PRKCQ: variants seen among roughly 807,000 people sequenced by gnomAD.
PRKCQ encodes protein kinase C theta type.
Under a neutral mutation model 91.2 loss-of-function variants are expected in PRKCQ, and 41 were observed. The observed-to-expected ratio is 0.45, with a 90% CI of 0.35 to 0.58. PRKCQ has a LOEUF of 0.58. Among genes scored for constraint, PRKCQ ranks in the 20% least tolerant of loss-of-function variants. PRKCQ has a pLI of 0.00. For synonymous variants in PRKCQ, 307 were observed against 316.9 expected (o/e 0.97, Z 0.33); for missense variants, 673 against 896.5 (o/e 0.75, Z 3.18).
At chr10:6,405,543 CCAGCGCCCCGCAA>C in the PRKCQ span, among the ~76,000 whole-genome samples, 3 of 152,260 alleles carry the variant, frequency 2.0e-5, no homozygotes, top group East Asian at 5.8e-4. Context: ...CTGGGGAACT[CCAGCGCCCCGCAA>C]GTCTTTCTGA....
intron 1 of PRKCQ, among the ~76,000 whole-genome samples, chr10:6,560,499 C>A (rs1407909581): frequency 6.6e-6 from 1 of 152,144 alleles, no homozygotes; most frequent in Non-Finnish European, 1.5e-5. Context: ...ACCATCAGGA[C>A]AAAATGAACC....
intron 7 of PRKCQ, among the ~76,000 whole-genome samples, chr10:6,495,467 C>T (rs975949647): frequency 2.0e-5 from 3 of 152,230 alleles, no homozygotes; most frequent in Admixed American, 6.5e-5. Context: ...TGTCACTCTT[C>T]AGCTGTCAGT....
chr10:6,438,677 C>A (rs1009300591), intron 16 of PRKCQ, among the ~76,000 whole-genome samples: 1 of 152,070 alleles, frequency 6.6e-6, no homozygotes, highest in African/African-American at 2.4e-5. Context: ...CTCATTGTAA[C>A]CTCCACCTTG....
At chr10:6,546,222 C>G (rs958191769) in intron 1 of PRKCQ, among the ~76,000 whole-genome samples, 1 of 152,066 alleles carries the variant, frequency 6.6e-6, no homozygotes, top group East Asian at 1.9e-4. Context: ...TACCTGCCTC[C>G]TGTTTTTGTG....
At chr10:6,446,410 G>C (rs1438195558) in intron 15 of PRKCQ, among the ~76,000 whole-genome samples, 2 of 137,386 alleles carry the variant, frequency 1.5e-5, no homozygotes, top group Non-Finnish European at 3.0e-5. Context: ...ATGTTGGCCA[G>C]GCTGGAGTGC....
At chr10:6,441,434 A>G (rs2146898) in intron 16 of PRKCQ, among the ~76,000 whole-genome samples, 61,288 of 151,444 alleles carry the variant, frequency 0.4, 12,892 homozygotes, top group African/African-American at 0.51. Flanking sequence ...GAGCTACTGC[A>G]CCCAGCCTAA....
chr10:6,421,275 A>C, the PRKCQ span, among the ~76,000 whole-genome samples: 1 of 152,188 alleles, frequency 6.6e-6, no homozygotes, highest in Non-Finnish European at 1.5e-5. This position sits in a 1 kb window ranked among gnomAD's most constrained non-coding sequence, Gnocchi z 4.1. Context: ...CCTTGAGCCC[A>C]AGAATTTGAG....
chr10:6,580,043 G>A (rs1482240348), intron 1 of PRKCQ, among the ~76,000 whole-genome samples, 168 bp downstream of exon 1: 2 of 152,068 alleles, frequency 1.3e-5, no homozygotes, highest in Non-Finnish European at 2.9e-5. Flanking sequence ...ATTCTTCCCG[G>A]TGCGCTCTTG....
intron 4 of PRKCQ, 66 bp downstream of exon 4, chr10:6,507,369 TA>T: frequency 7.1e-7 from 1 of 1,414,572 alleles, no homozygotes; most frequent in Non-Finnish European, 1.0e-6. Context: ...AAAGGTAAAA[TA>T]AGCTGCATTT....
In PRKCQ at chr10:6,465,196, C is replaced by T. The variant is rs374328631; in HGVS notation, c.1354-792G>A. On this transcript the variant is annotated intron_variant, in intron 12 of 17. Transcript: ENST00000263125. This position sits in a 1 kb window ranked among gnomAD's most constrained non-coding sequence, Gnocchi z 4.4. ...TACTGAGCATATTCTGTGGGCGTGG[C>T]GTGGGGGGAGTGGGCGGGTCATGTC... Among the ~76,000 whole-genome samples the T allele has an allele frequency of 1.4e-4, 22 of 152,260 alleles. No homozygotes were observed. Among genetic ancestry groups the T allele is most frequent in the Admixed American group, 2.0e-4 (3 of 15,290 alleles).
At chr10:6,526,664 C>T (rs901748331) in intron 1 of PRKCQ, among the ~76,000 whole-genome samples, 2 of 152,046 alleles carry the variant, frequency 1.3e-5, no homozygotes, top group South Asian at 2.1e-4. Context: ...GGATGGGCTG[C>T]GTGGAGTTGA....
chr10:6,414,012 C>T, the PRKCQ span, among the ~76,000 whole-genome samples: 1 of 152,108 alleles, frequency 6.6e-6, no homozygotes, highest in South Asian at 2.1e-4. Context: ...CTCAGTGGTC[C>T]CTGAAAGATG....
At chr10:6,571,175 C>T (rs1462540209) in intron 1 of PRKCQ, among the ~76,000 whole-genome samples, 3 of 151,754 alleles carry the variant, frequency 2.0e-5, no homozygotes, top group African/African-American at 7.3e-5. Context: ...GCGTGTTTTC[C>T]GGGAGAACTC....
At chr10:6,453,632 G>T (rs1834833172) in intron 15 of PRKCQ, among the ~76,000 whole-genome samples, 1 of 152,198 alleles carries the variant, frequency 6.6e-6, no homozygotes. Context: ...TCTGTTTGTT[G>T]TGGCACTATT....
At chr10:6,513,705 T>A (rs960924328) in intron 2 of PRKCQ, among the ~76,000 whole-genome samples, 33 of 152,210 alleles carry the variant, frequency 2.2e-4, no homozygotes, top group African/African-American at 7.5e-4. Context: ...GGCTTTGATG[T>A]GTTCAGAGTG....
chr10:6,404,418 TTTTCTCTTTCTTTC>T, the PRKCQ span, among the ~76,000 whole-genome samples: 1 of 148,910 alleles, frequency 6.7e-6, no homozygotes. Flanking sequence ...TTTCTTTCTT[TTTTCTCTTTCTTTC>T]TCTCTTTCTT....
intron 16 of PRKCQ, among the ~76,000 whole-genome samples, chr10:6,431,250 C>T (rs914734805): frequency 1.3e-5 from 2 of 152,140 alleles, no homozygotes; most frequent in Non-Finnish European, 2.9e-5. Flanking sequence ...TAAAGTAAGC[C>T]AAGTGCCCTC....
rs147146496 is a variant in PRKCQ at position 6,555,963 on chromosome 10, C to A, written c.-10+24248G>T. 2.0e-5 allele frequency among the ~76,000 whole-genome samples: 3 copies of A among 152,228 alleles called. No homozygotes were observed. The South Asian group carries it at 6.2e-4, about 32-fold the overall frequency. On this transcript the variant is annotated intron_variant, in intron 1 of 17. Coordinates refer to ENST00000263125, the MANE Select transcript of PRKCQ (RefSeq NM_006257.5). ...GGCAGAGGTTGCAGTGAGCTGAGAT[C>A]GTGCCACTGCACTGAAGCCTGGGTA...
At chr10:6,405,977 G>A in the PRKCQ span, among the ~76,000 whole-genome samples, 1 of 152,182 alleles carries the variant, frequency 6.6e-6, no homozygotes, top group Non-Finnish European at 1.5e-5. Context: ...CAGGCATGTT[G>A]CTACCAAGAG....
Sources: gnomAD v4.1 joint callset for allele counts (sites outside exome capture counted in the v4.1 genomes callset) on GRCh38, gnomAD v4.1.1 for gene constraint, Gnocchi (gnomAD v3.1) non-coding constraint, MANE v1.5 for transcripts, NCBI Gene and HGNC (gene_info 2026-07-23, HGNC 2026-07-21) for gene names.